Variants in ARHGAP39 observed in about 807,000 individuals in gnomAD.
The protein encoded by ARHGAP39 is rho GTPase-activating protein 39.
A neutral mutation model predicts 106.9 loss-of-function variants in ARHGAP39; 44 were observed. The ratio of observed to expected loss-of-function variants is 0.41; its 90% confidence interval spans 0.32 to 0.53. The LOEUF (loss-of-function observed/expected upper bound fraction) is 0.53, where lower values mean the gene tolerates loss of function less well. ARHGAP39 is among the 20% of genes least tolerant of loss of function. The pLI, the probability that ARHGAP39 is intolerant of heterozygous loss-of-function variation, is 0.21. For synonymous variants in ARHGAP39, 768 were observed against 693.2 expected (o/e 1.11, Z -1.69); for missense variants, 1,496 against 1,577.3 (o/e 0.95, Z 0.87).
At chr8:144,567,389 G>A (rs1186979838) in intron 3 of ARHGAP39, among the ~76,000 whole-genome samples, 3 of 152,222 alleles carry the variant, frequency 2.0e-5, no homozygotes, top group Non-Finnish European at 4.4e-5. Context: ...TAGCGGTAAC[G>A]CCAGCGTCTG....
intron 2 of ARHGAP39, among the ~76,000 whole-genome samples, chr8:144,596,647 G>A (rs981495225): frequency 6.6e-6 from 1 of 152,162 alleles, no homozygotes; most frequent in African/African-American, 2.4e-5. Context: ...GTGGCCTCTT[G>A]GGCCTCCTGC....
At position 144,545,443 on chromosome 8, in the gene ARHGAP39, C is replaced by T. The variant is rs776614675; in HGVS notation, c.2327G>A (p.Ser776Asn). The T allele has an allele frequency of 6.3e-7, 1 of 1,593,408 alleles. No homozygotes were observed. Residue 776 changes from serine to asparagine, a missense_variant, in exon 6 of 12, where the codon AGC (serine) becomes AAC (asparagine). Ser to Asn is a conservative substitution (Grantham distance 46, BLOSUM62 1). Transcript: ENST00000377307. ...GAGCTCGTCCCGCAGGCCCTGCACG[C>T]TCCAGCCCTTGGTGGCCACCTCCAG... ...VALEVATKGW[S>N]VQGLRDELYI... is the part of the protein sequence containing the mutation.
rs1418231104 is a variant in ARHGAP39, at chr8:144,557,481, T to C, written c.513-1838A>G. On this transcript the variant is annotated intron_variant, in intron 3 of 11. Transcript: ENST00000377307. ...AAGGCTGAACCTTCGTAGTATTCAGTGGCAAAAGGCTGAACCTTCGTAGTA... is the reference window on the plus strand; with the variant it reads ...AAGGCTGAACCTTCGTAGTATTCAGCGGCAAAAGGCTGAACCTTCGTAGTA... 3.2e-3 allele frequency among the ~76,000 whole-genome samples: 427 copies of C among 132,548 alleles called. 1 individual carries two copies. Among genetic ancestry groups the C allele is most frequent in the African/African-American group, 5.6e-3 (193 of 34,254 alleles). The allele number at this position is 132,548 out of a possible 152,430, so 87.0% of individuals were successfully genotyped here.
In ARHGAP39 at chr8:144,581,046, G is replaced by C; in HGVS notation, c.312C>G (p.Ala104=). ...RPQGCDIIPL[A]KLQTLKQNTE... ...TGTTCTGCTTCAGCGTCTGCAGCTT[G>C]GCCAGCGGGATGATGTCGCAGCCCT... Residue 104 remains alanine, a synonymous_variant, in exon 3 of 12, where the codon GCC becomes GCG. Coordinates refer to ENST00000377307, the MANE Select transcript of ARHGAP39 (RefSeq NM_025251.3). 6.3e-7 allele frequency: 1 copy of C among 1,583,922 alleles called. No individual in the cohort carries two copies. The highest frequency in any genetic ancestry group is 8.6e-7 in the Non-Finnish European group (1 of 1,165,512).
chr8:144,657,282 A>G (rs1563726593), intron 1 of ARHGAP39, among the ~76,000 whole-genome samples: 1 of 152,092 alleles, frequency 6.6e-6, no homozygotes, highest in Non-Finnish European at 1.5e-5. Context: ...AAAGAAAAAG[A>G]AAACAGAAAA....
At chr8:144,546,291 C>T (rs1193440927) in intron 5 of ARHGAP39, among the ~76,000 whole-genome samples, 1 of 152,214 alleles carries the variant, frequency 6.6e-6, no homozygotes, top group Non-Finnish European at 1.5e-5. Flanking sequence ...CAGGAGGCCC[C>T]TCCCTGCCTG....
At chr8:144,666,482 C>G (rs1161963263) in intron 1 of ARHGAP39, among the ~76,000 whole-genome samples, 2 of 152,142 alleles carry the variant, frequency 1.3e-5, no homozygotes, top group Non-Finnish European at 2.9e-5. Flanking sequence ...TCCCAGAATT[C>G]CCATGTGTTG....
At chr8:144,546,914 G>C (rs1817448605) in intron 5 of ARHGAP39, among the ~76,000 whole-genome samples, 1 of 152,208 alleles carries the variant, frequency 6.6e-6, no homozygotes. Flanking sequence ...GGAACGCCCA[G>C]CAGCCCACAC....
Position 144,604,079 on chromosome 8 carries a change from G to A in ARHGAP39, c.80+1456C>T, listed in dbSNP as rs1018289006. ...CAGCAGGACTCCTGCTCAGGTCAAG[G>A]CAGAGTGCGGATCGCAACTGTGGAA... On this transcript the variant is annotated intron_variant, in intron 2 of 11. Coordinates refer to ENST00000377307, the MANE Select transcript of ARHGAP39 (RefSeq NM_025251.3). This position sits in a 1 kb window ranked among gnomAD's most constrained non-coding sequence, Gnocchi z 4.1. Among the ~76,000 whole-genome samples, 1 of 152,234 alleles carries A rather than the reference G, an allele frequency of 6.6e-6. No homozygotes were observed. Among genetic ancestry groups the A allele is most frequent in the Non-Finnish European group, 1.5e-5 (1 of 68,034 alleles).
At chr8:144,627,737 A>G (rs1342989306) in intron 1 of ARHGAP39, among the ~76,000 whole-genome samples, 2 of 152,142 alleles carry the variant, frequency 1.3e-5, no homozygotes, top group African/African-American at 4.8e-5. Flanking sequence ...CAGCCTGGGC[A>G]ACAGAGCAAG....
chr8:144,557,367 G>C (rs28413882), intron 3 of ARHGAP39, among the ~76,000 whole-genome samples: 435 of 13,738 alleles, frequency 0.032, no homozygotes, highest in Middle Eastern at 0.1. Context: ...AGAGGCAAAG[G>C]CTGAACCTTC....
chr8:144,574,566 C>T (rs971025502), intron 3 of ARHGAP39, among the ~76,000 whole-genome samples: 12 of 152,070 alleles, frequency 7.9e-5, no homozygotes, highest in African/African-American at 2.7e-4. Context: ...CCCAGCTACT[C>T]GGGAGGCTGA....
chr8:144,691,653 T>G, the ARHGAP39 span, among the ~76,000 whole-genome samples: 1 of 151,760 alleles, frequency 6.6e-6, no homozygotes, highest in Non-Finnish European at 1.5e-5. Context: ...GCTGTAGGTG[T>G]TTTTTTTAGG....
chr8:144,587,019 T>C (rs970435710), intron 2 of ARHGAP39, among the ~76,000 whole-genome samples: 1 of 152,170 alleles, frequency 6.6e-6, no homozygotes, highest in Non-Finnish European at 1.5e-5. Flanking sequence ...TGAGTTCTCA[T>C]GAGATCTGAT....
intron 1 of ARHGAP39, among the ~76,000 whole-genome samples, chr8:144,654,857 C>A (rs531398934): frequency 6.6e-6 from 1 of 151,940 alleles, no homozygotes; most frequent in Non-Finnish European, 1.5e-5. Flanking sequence ...CCCTGTCCTC[C>A]CAGGTGCTGC....
chr8:144,541,618 A>G (rs1431767276), intron 6 of ARHGAP39, among the ~76,000 whole-genome samples: 2 of 151,990 alleles, frequency 1.3e-5, no homozygotes, highest in East Asian at 3.9e-4. Flanking sequence ...GAATCCTACA[A>G]TCTCTATCCT....
At chr8:144,672,931 CA>C (rs1451615344) in intron 1 of ARHGAP39, among the ~76,000 whole-genome samples, 4 of 152,118 alleles carry the variant, frequency 2.6e-5, no homozygotes, top group Non-Finnish European at 4.4e-5. Flanking sequence ...TGACGCTGAT[CA>C]GGGGCCAGGC....
chr8:144,643,382 G>A (rs1821360467), intron 1 of ARHGAP39, among the ~76,000 whole-genome samples: 1 of 152,154 alleles, frequency 6.6e-6, no homozygotes, highest in Non-Finnish European at 1.5e-5. Flanking sequence ...GAGCCCGGGA[G>A]GCAGAGGTTG....
chr8:144,681,887 T>C (rs1563736510), intron 1 of ARHGAP39, among the ~76,000 whole-genome samples: 1 of 152,206 alleles, frequency 6.6e-6, no homozygotes, highest in African/African-American at 2.4e-5. Flanking sequence ...AAAGCTAAGA[T>C]ACAGAGGGAA....
Sources: gnomAD v4.1 joint callset for allele counts (sites outside exome capture counted in the v4.1 genomes callset) on GRCh38, gnomAD v4.1.1 for gene constraint, Gnocchi (gnomAD v3.1) non-coding constraint, MANE v1.5 for transcripts, NCBI Gene and HGNC (gene_info 2026-07-23, HGNC 2026-07-21) for gene names.